Variants in OSBPL1A observed in about 807,000 individuals in gnomAD.
OSBPL1A encodes the protein oxysterol binding protein like 1A, also known as oxysterol-binding protein-related protein 1.
A neutral mutation model predicts 137.1 loss-of-function variants in OSBPL1A; 80 were observed. The ratio of observed to expected loss-of-function variants is 0.58; its 90% CI spans 0.49 to 0.70. The LOEUF (loss-of-function observed/expected upper bound fraction) is 0.70, where lower values mean the gene tolerates loss of function less well. OSBPL1A is among the 30% of genes least tolerant of loss of function. The pLI, the probability that OSBPL1A is intolerant of heterozygous loss-of-function variation, is 0.00. For missense variants in OSBPL1A, 970 were observed against 1,129.4 expected (o/e 0.86, Z 2.02); for synonymous variants, 365 against 389.7 (o/e 0.94, Z 0.75).
intron 19 of OSBPL1A, 114 bp downstream of exon 19, chr18:24,181,031 A>G: frequency 7.7e-7 from 1 of 1,301,570 alleles, no homozygotes; most frequent in Non-Finnish European, 1.0e-6. Context: ...GCTTTGATAA[A>G]ATTGCCCAAC....
intron 15 of OSBPL1A, among the ~76,000 whole-genome samples, chr18:24,269,359 T>C (rs1454708386): frequency 1.3e-5 from 2 of 152,240 alleles, no homozygotes; most frequent in Admixed American, 6.5e-5. Flanking sequence ...TTCCCTTCCA[T>C]TCCGGTCTTA....
chr18:24,198,686 A>G (rs942395427), intron 17 of OSBPL1A, among the ~76,000 whole-genome samples: 3 of 151,912 alleles, frequency 2.0e-5, no homozygotes, highest in African/African-American at 7.3e-5. Flanking sequence ...GCCATGGCTT[A>G]GTAAATGACC....
chr18:24,230,225 G>A (rs1310926393), intron 16 of OSBPL1A, among the ~76,000 whole-genome samples: 5 of 152,172 alleles, frequency 3.3e-5, no homozygotes, highest in Admixed American at 1.3e-4. Context: ...ACGACACTCA[G>A]GCTTTCAGGA....
chr18:24,247,679 C>T (rs958302564), intron 15 of OSBPL1A, among the ~76,000 whole-genome samples: 5 of 41,252 alleles, frequency 1.2e-4, no homozygotes, highest in African/African-American at 5.5e-4. Flanking sequence ...CATGTTGCCC[C>T]GGCTGGTCTT....
At position 24,377,515 on chromosome 18, in the gene OSBPL1A, G is replaced by C. The variant is rs373177356; in HGVS notation, c.19C>G (p.Gln7Glu). MNTEAE[Q>E]QLLHHARNGN... The stretch of plus-strand genomic sequence containing the variant: ...TTTCTGGCGTGATGGAGAAGCTGTT[G>C]CTCCGCTTCTGTGTTCATTTCTAAA... The change falls in exon 2 of 28, where the codon CAA becomes GAA. Residue 7 changes from glutamine (Q) to glutamate (E), a missense_variant. This residue lies in a region of OSBPL1A where 647 missense variants were observed against 672.6 expected (regional missense o/e 0.96). Transcript: ENST00000319481. 12 of 1,606,356 alleles carry C rather than the reference G, an allele frequency of 7.5e-6. No homozygotes were observed. In the African/African-American group the frequency reaches 1.6e-4, roughly 22 times the overall value.
intron 17 of OSBPL1A, among the ~76,000 whole-genome samples, chr18:24,209,483 T>C (rs2087470998): frequency 6.6e-6 from 1 of 152,196 alleles, no homozygotes; most frequent in Non-Finnish European, 1.5e-5. Flanking sequence ...TACAGTAACA[T>C]CTTACAAAGC....
chr18:24,220,246 C>A (rs1264335203), intron 17 of OSBPL1A, among the ~76,000 whole-genome samples: 2 of 152,198 alleles, frequency 1.3e-5, no homozygotes, highest in East Asian at 3.9e-4. Context: ...TTTAGAATAC[C>A]AAGCATCTTC....
chr18:24,235,616 CA>C (rs1310867939), intron 16 of OSBPL1A, among the ~76,000 whole-genome samples: 37 of 152,232 alleles, frequency 2.4e-4, no homozygotes, highest in Middle Eastern at 3.4e-3. Context: ...GTGCCATTTA[CA>C]AAAATGAGGC....
intron 11 of OSBPL1A, among the ~76,000 whole-genome samples, chr18:24,315,989 G>C (rs751748734): frequency 2.0e-5 from 3 of 147,500 alleles, no homozygotes; most frequent in African/African-American, 7.5e-5. Context: ...GGCTGGGTGC[G>C]GTGTCTCATG....
At chr18:24,328,793 C>A (rs2091024842) in intron 7 of OSBPL1A, among the ~76,000 whole-genome samples, 2 of 152,082 alleles carry the variant, frequency 1.3e-5, no homozygotes, top group Non-Finnish European at 2.9e-5. Context: ...GAAATACACA[C>A]CAGATTTCAA....
intron 15 of OSBPL1A, among the ~76,000 whole-genome samples, chr18:24,248,897 T>C (rs1024512064): frequency 1.3e-5 from 2 of 152,242 alleles, no homozygotes; most frequent in Non-Finnish European, 2.9e-5. Context: ...AGACTAGCAC[T>C]ATACACAAAT....
intron 16 of OSBPL1A, among the ~76,000 whole-genome samples, chr18:24,226,110 T>A (rs2088069411): frequency 6.6e-6 from 1 of 152,198 alleles, no homozygotes; most frequent in African/African-American, 2.4e-5. Context: ...CATTTCCAAT[T>A]GGCTATATAT....
At chr18:24,178,274 G>T in intron 20 of OSBPL1A, 79 bp from the exon 21 acceptor site, 1 of 1,252,028 alleles carries the variant, frequency 8.0e-7, no homozygotes, top group Non-Finnish European at 1.1e-6. Flanking sequence ...GTACATAATT[G>T]CCCTTTCAAA....
chr18:24,185,973 C>A (rs2086736817), intron 18 of OSBPL1A, among the ~76,000 whole-genome samples: 4 of 152,068 alleles, frequency 2.6e-5, no homozygotes, highest in Admixed American at 1.3e-4. Context: ...GAGGCCGAGG[C>A]AGAAGGCTTG....
At chr18:24,242,931 A>C (rs1422547634) in intron 15 of OSBPL1A, among the ~76,000 whole-genome samples, 1 of 152,208 alleles carries the variant, frequency 6.6e-6, no homozygotes, top group Admixed American at 6.5e-5. Context: ...TAAAAAAATA[A>C]ATAAAAAGCT....
intron 20 of OSBPL1A, 55 bp from the exon 21 acceptor site, chr18:24,178,250 C>G (rs1347654105): frequency 7.1e-7 from 1 of 1,404,630 alleles, no homozygotes; most frequent in Non-Finnish European, 9.6e-7. Flanking sequence ...ATAATTAACT[C>G]TATCATTAAA....
chr18:24,317,036 A>G (rs1344905856), intron 11 of OSBPL1A, 113 bp downstream of exon 11: 1 of 1,033,660 alleles, frequency 9.7e-7, no homozygotes, highest in Non-Finnish European at 1.5e-6. Flanking sequence ...AGTGTTTTCT[A>G]CAGCATTCCA....
rs141102512 is a variant in OSBPL1A, at chr18:24,303,710, C to T, written c.1101G>A (p.Gln367=). The change falls in exon 14 of 28, where the codon CAG becomes CAA. Residue 367 remains glutamine, a synonymous_variant. Coordinates refer to ENST00000319481, the MANE Select transcript of OSBPL1A (RefSeq NM_080597.4). ...ADLKKSLEKA[Q]SCQQRLDREI... Reference sequence around the variant, plus strand: ...CCCTATCTAGTCGCTGTTGGCATGACTGTGCTTTCTGCAAAAAAAGAAAAG... The same window carrying T: ...CCCTATCTAGTCGCTGTTGGCATGATTGTGCTTTCTGCAAAAAAAGAAAAG... 9.5e-5 allele frequency: 153 copies of T among 1,612,512 alleles called. No individual in the cohort carries two copies. The East Asian group carries it at 3.4e-3, about 36-fold the overall frequency.
chr18:24,256,093 TA>T (rs1342944742), intron 15 of OSBPL1A, among the ~76,000 whole-genome samples: 3 of 152,090 alleles, frequency 2.0e-5, no homozygotes, highest in Non-Finnish European at 2.9e-5. Flanking sequence ...CCATGCCTGG[TA>T]AAACTTTCTA....
Sources: gnomAD v4.1 joint callset for allele counts (sites outside exome capture counted in the v4.1 genomes callset) on GRCh38, gnomAD v4.1.1 for gene constraint, gnomAD v4.1.1 regional missense constraint, MANE v1.5 for transcripts, NCBI Gene and HGNC (gene_info 2026-07-23, HGNC 2026-07-21) for gene names.